Variants in LRRC72 observed in about 807,000 individuals in gnomAD.
LRRC72 encodes the protein leucine rich repeat containing 72.
A neutral mutation model predicts 35.8 loss-of-function variants in LRRC72; 41 were observed. The observed-to-expected ratio is 1.15, with a 90% CI of 0.89 to 1.49. The LOEUF (loss-of-function observed/expected upper bound fraction) is 1.49. Among genes scored for constraint, LRRC72 ranks in the 40% most tolerant of loss-of-function variants. The pLI, the probability that LRRC72 is intolerant of heterozygous loss-of-function variation, is 0.00. For synonymous variants in LRRC72, 118 were observed against 119.2 expected (o/e 0.99, Z 0.07); for missense variants, 389 against 330.7 (o/e 1.18, Z -1.37).
intron 2 of LRRC72, among the ~76,000 whole-genome samples, chr7:16,535,809 A>G (rs1175952039): frequency 1.3e-5 from 2 of 152,242 alleles, no homozygotes; most frequent in Non-Finnish European, 2.9e-5. Flanking sequence ...CAAAAAATCA[A>G]TAATGTGAGA....
At position 16,557,365 on chromosome 7, in the gene LRRC72, T is replaced by C. The variant is rs998688154; in HGVS notation, c.240T>C (p.His80=). The change falls in exon 4 of 9, where the codon CAT becomes CAC. Residue 80 remains histidine (H), a synonymous_variant. Coordinates refer to ENST00000401542, the MANE Select transcript of LRRC72 (RefSeq NM_001195280.2). ...KYLWLHHNKL[H]GITFLTRNYC... Reference sequence around the variant, plus strand: ...TCTCTAACTCTCATTTTTAGCTCCATGGAATAACATTTCTAACTAGAAACT... The same window carrying C: ...TCTCTAACTCTCATTTTTAGCTCCACGGAATAACATTTCTAACTAGAAACT... The C allele has an allele frequency of 7.9e-6, 10 of 1,272,146 alleles. No homozygotes were observed. The highest frequency in any genetic ancestry group is 1.5e-5 in the African/African-American group (1 of 64,776). 78.8% of individuals were successfully genotyped at this position (1,272,146 alleles called of 1,614,324 possible).
Position 16,581,463 on chromosome 7 carries a change from C to A in LRRC72, c.838C>A (p.Gln280Lys). The change falls in exon 9 of 9, where the codon CAA (glutamine) becomes AAA (lysine). Residue 280 changes from glutamine to lysine, a missense_variant. Gln to Lys is a moderately conservative substitution (Grantham distance 53). Transcript: ENST00000401542. ...YLEEEGTETA[Q>K]MLTVTLR Reference sequence around the variant, plus strand: ...TGAAGAGGAAGGCACAGAAACAGCTCAAATGCTCACAGTTACACTGAGATA... The same window carrying A: ...TGAAGAGGAAGGCACAGAAACAGCTAAAATGCTCACAGTTACACTGAGATA... 6.5e-7 allele frequency: 1 copy of A among 1,549,150 alleles called. No homozygotes were observed. The highest frequency in any genetic ancestry group is 1.4e-5 in the African/African-American group (1 of 73,018).
intron 2 of LRRC72, among the ~76,000 whole-genome samples, chr7:16,536,348 A>C (rs557179242): frequency 1.3e-5 from 2 of 152,306 alleles, no homozygotes; most frequent in South Asian, 4.1e-4. Context: ...GGCATATTAG[A>C]TTACATTACT....
chr7:16,531,821 A>G (rs189842953), intron 1 of LRRC72, among the ~76,000 whole-genome samples: 185 of 152,350 alleles, frequency 1.2e-3, no homozygotes, highest in Admixed American at 2.4e-3. Context: ...AGCTGTTGCT[A>G]AAGTTTTATT....
At chr7:16,571,456 A>C (rs1000229894) in intron 7 of LRRC72, among the ~76,000 whole-genome samples, 2 of 152,218 alleles carry the variant, frequency 1.3e-5, no homozygotes, top group Non-Finnish European at 2.9e-5. Flanking sequence ...AGATCCACAC[A>C]GAAGGCGAGT....
chr7:16,565,043 G>C (rs1782805177), intron 5 of LRRC72, among the ~76,000 whole-genome samples: 5 of 152,068 alleles, frequency 3.3e-5, no homozygotes, highest in Admixed American at 1.3e-4. Flanking sequence ...GGAGTTGTGC[G>C]GTAGCTGGAG....
intron 4 of LRRC72, among the ~76,000 whole-genome samples, chr7:16,558,483 G>A (rs973936143): frequency 2.8e-4 from 43 of 152,172 alleles, no homozygotes; most frequent in African/African-American, 9.9e-4. Context: ...GGTGGTGGAC[G>A]CCTGTAATCT....
chr7:16,564,841 T>C (rs1244543605), intron 5 of LRRC72, among the ~76,000 whole-genome samples: 2 of 152,142 alleles, frequency 1.3e-5, no homozygotes, highest in Non-Finnish European at 2.9e-5. Context: ...TAGCTTGTTA[T>C]CTTTTAAGCA....
At chr7:16,558,103 T>A (rs1782681725) in intron 4 of LRRC72, among the ~76,000 whole-genome samples, 2 of 152,216 alleles carry the variant, frequency 1.3e-5, no homozygotes, top group African/African-American at 4.8e-5. Flanking sequence ...ATTTACAATC[T>A]ATGAAAATGA....
Position 16,537,619 on chromosome 7 carries a change from CT to C in LRRC72, c.165-5del. On this transcript the variant is annotated splice_polypyrimidine_tract_variant and splice_region_variant and intron_variant, in intron 2 of 8. Transcript: ENST00000401542. ...TTGCTAATGTTCACATTTTTTTTTT[CT>C]TTCCAGGGAACTGACAGAGGTCATT... 2.7e-6 allele frequency: 4 copies of C among 1,486,416 alleles called. No homozygotes were observed. Among genetic ancestry groups the C allele is most frequent in the Non-Finnish European group, 3.6e-6 (4 of 1,109,922 alleles). 92.1% of individuals were successfully genotyped at this position (1,486,416 alleles called of 1,614,324 possible).
intron 7 of LRRC72, among the ~76,000 whole-genome samples, chr7:16,578,599 A>G (rs888993305): frequency 6.6e-6 from 1 of 152,260 alleles, no homozygotes; most frequent in African/African-American, 2.4e-5. Flanking sequence ...CTCTATGTAT[A>G]TATACATGTA....
At chr7:16,534,754 C>T (rs1782224943) in intron 2 of LRRC72, among the ~76,000 whole-genome samples, 1 of 152,124 alleles carries the variant, frequency 6.6e-6, no homozygotes, top group Non-Finnish European at 1.5e-5. Flanking sequence ...TATTATTTAT[C>T]ATAGGAACAG....
intron 3 of LRRC72, among the ~76,000 whole-genome samples, chr7:16,538,756 G>A (rs780372940): frequency 1.3e-5 from 2 of 152,212 alleles, no homozygotes; most frequent in African/African-American, 4.8e-5. Context: ...TAGTGAGTGA[G>A]TTCCCACAAT....
In LRRC72 at chr7:16,537,681, G is replaced by A; in HGVS notation, c.219G>A (p.Trp73Ter). 1 of 1,509,936 alleles carries A rather than the reference G, an allele frequency of 6.6e-7. No homozygotes were observed. The highest frequency in any genetic ancestry group is 8.9e-7 in the Non-Finnish European group (1 of 1,119,550). 93.5% of individuals were successfully genotyped at this position (1,509,936 alleles called of 1,614,324 possible). A position where few individuals can be genotyped will look rare whatever the true frequency, so the allele number is the denominator to read the frequency against. Reference protein sequence around the residue: ...LSRFKKLKYLWLHHNKLHGIT... With the variant: ...LSRFKKLKYL Reference sequence around the variant, plus strand: ...GGTTTAAAAAATTAAAATACTTATGGCTTCATCATAACAAGGTAGTGTTTT... The same window carrying A: ...GGTTTAAAAAATTAAAATACTTATGACTTCATCATAACAAGGTAGTGTTTT... Residue 73 changes from tryptophan (W) to a stop codon, truncating the protein, a stop_gained, in exon 3 of 9, where the codon TGG (tryptophan) becomes TGA (stop). Coordinates refer to ENST00000401542, the MANE Select transcript of LRRC72 (RefSeq NM_001195280.2). LOFTEE classifies it high-confidence loss of function.
chr7:16,558,854 T>C (rs763485863), intron 4 of LRRC72, 35 bp from the exon 5 acceptor site: 1 of 1,285,396 alleles, frequency 7.8e-7, no homozygotes, highest in South Asian at 1.8e-5. Context: ...GAAAAAAATG[T>C]TTAAAATCTT....
At chr7:16,540,178 G>A (rs1383421499) in intron 3 of LRRC72, among the ~76,000 whole-genome samples, 1 of 152,330 alleles carries the variant, frequency 6.6e-6, no homozygotes, top group Non-Finnish European at 1.5e-5. Flanking sequence ...CAAGGCCATA[G>A]GAGCCCACCC....
intron 3 of LRRC72, among the ~76,000 whole-genome samples, chr7:16,556,070 TA>T (rs34275623): frequency 4.1e-4 from 61 of 147,616 alleles, no homozygotes; most frequent in Middle Eastern, 6.8e-3. Flanking sequence ...GAGTCAATAC[TA>T]AAAAAAAAAA....
chr7:16,543,596 A>G (rs992387432), intron 3 of LRRC72, among the ~76,000 whole-genome samples: 1 of 152,170 alleles, frequency 6.6e-6, no homozygotes, highest in Non-Finnish European at 1.5e-5. Context: ...CCATGGGTGG[A>G]TCCTGAACTG....
chr7:16,542,108 T>C (rs575687635), intron 3 of LRRC72, among the ~76,000 whole-genome samples: 27 of 152,350 alleles, frequency 1.8e-4, no homozygotes, highest in Non-Finnish European at 2.5e-4. Flanking sequence ...GGAAAGAGCA[T>C]GTACCAATGT....
Sources: gnomAD v4.1 joint callset for allele counts (sites outside exome capture counted in the v4.1 genomes callset) on GRCh38, gnomAD v4.1.1 for gene constraint, MANE v1.5 for transcripts, NCBI Gene and HGNC (gene_info 2026-07-23, HGNC 2026-07-21) for gene names.